Variants in PTGDR observed in about 807,000 individuals in gnomAD.
The protein encoded by PTGDR is prostaglandin D2 receptor.
A neutral mutation model predicts 17.4 loss-of-function variants in PTGDR; 19 were observed. That is an observed-to-expected ratio of 1.09 (90% CI 0.76 to 1.60). The LOEUF is 1.60. PTGDR is among the 40% of genes most tolerant of loss of function. The probability of loss-of-function intolerance (pLI) is 0.00; values close to 1 mark genes in which losing one functional copy is unlikely to be tolerated. For missense variants in PTGDR, 526 were observed against 481.9 expected (o/e 1.09, Z -0.86); for synonymous variants, 267 against 224.2 (o/e 1.19, Z -1.71).
intron 1 of PTGDR, among the ~76,000 whole-genome samples, chr14:52,271,780 G>T (rs2033327168): frequency 6.6e-6 from 1 of 152,212 alleles, no homozygotes; most frequent in Non-Finnish European, 1.5e-5. Flanking sequence ...GTGAGAGAAT[G>T]AAGGGGAAAA....
downstream of PTGDR, among the ~76,000 whole-genome samples, chr14:52,279,204 A>G (rs1230719628): frequency 6.6e-6 from 1 of 152,184 alleles, no homozygotes; most frequent in Admixed American, 6.5e-5. Flanking sequence ...TGCTTGGTTA[A>G]AGATTCCTCT....
Position 52,267,871 on chromosome 14 carries a change from G to C in PTGDR, c.57G>C (p.Ser19=), listed in dbSNP as rs759998843. ...QNTTSVEKGN[S]AVMGGVLFST... is the part of the protein sequence containing the mutation. ...CCACCTCTGTGGAAAAAGGCAACTC[G>C]GCGGTGATGGGCGGGGTGCTCTTCA... The change falls in exon 1 of 2, where the codon TCG becomes TCC. Residue 19 remains serine (S), a synonymous_variant. Coordinates refer to ENST00000306051, the MANE Select transcript of PTGDR (RefSeq NM_000953.3). 4 of 1,601,898 alleles carry C rather than the reference G, an allele frequency of 2.5e-6. No individual in the cohort carries two copies. Among genetic ancestry groups the C allele is most frequent in the African/African-American group, 2.7e-5 (2 of 74,582 alleles).
Position 52,275,227 on chromosome 14 carries a change from A to T in PTGDR, c.*263A>T. On this transcript the variant is annotated 3_prime_UTR_variant, in exon 2 of 2. Coordinates refer to ENST00000306051, the MANE Select transcript of PTGDR (RefSeq NM_000953.3). ...TATTGTAACCAGTGTTAAAAGTCTTAAAAAACAATGGTATTAATTGTCCCT... is the reference window on the plus strand; with the variant it reads ...TATTGTAACCAGTGTTAAAAGTCTTTAAAAACAATGGTATTAATTGTCCCT... 1 of 367,932 alleles carries T rather than the reference A, an allele frequency of 2.7e-6. No homozygotes were observed. The highest frequency in any genetic ancestry group is 4.9e-6 in the Non-Finnish European group (1 of 204,150). 22.8% of individuals were successfully genotyped at this position (367,932 alleles called of 1,614,324 possible).
rs1451955977 is a variant in PTGDR, at chr14:52,274,839, G to A, written c.955G>A (p.Asp319Asn). 6.8e-6 allele frequency: 11 copies of A among 1,611,238 alleles called. No individual in the cohort carries two copies. Among genetic ancestry groups the A allele is most frequent in the Non-Finnish European group, 6.8e-6 (8 of 1,177,448 alleles). The change falls in exon 2 of 2, where the codon GAC becomes AAC. Residue 319 changes from aspartate (D) to asparagine (N), a missense_variant. By Grantham distance (23) the Asp-to-Asn change is conservative (BLOSUM62 1). Coordinates refer to ENST00000306051, the MANE Select transcript of PTGDR (RefSeq NM_000953.3). ...ATTTCTATCTGTGATTTCAATTGTG[G>A]ACCCTTGGATTTTTATCATTTTCAG... ...LRFLSVISIV[D>N]PWIFIIFRSP...
chr14:52,268,546 C>G lies in PTGDR; in HGVS notation c.732C>G (p.Ala244=). Reference sequence around the variant, plus strand: ...CGCGCTCCTGCACCAGGGACTGTGCCGAGCCGCGCGCGGACGGGAGGGAAG... The same window carrying G: ...CGCGCTCCTGCACCAGGGACTGTGCGGAGCCGCGCGCGGACGGGAGGGAAG... The part of the protein sequence containing the change: ...RHPRSCTRDC[A]EPRADGREAS... The change falls in exon 1 of 2, where the codon GCC becomes GCG. Residue 244 remains alanine (A), a synonymous_variant. Transcript: ENST00000306051. 2 of 1,612,594 alleles carry G rather than the reference C, an allele frequency of 1.2e-6. No homozygotes were observed. The highest frequency in any genetic ancestry group is 1.7e-6 in the Non-Finnish European group (2 of 1,179,644).
chr14:52,280,661 T>G (rs2033476200), downstream of PTGDR, among the ~76,000 whole-genome samples: 1 of 152,206 alleles, frequency 6.6e-6, no homozygotes, highest in African/African-American at 2.4e-5. Context: ...CTGAGACAAA[T>G]GCATATCTGA....
chr14:52,269,874 C>T (rs1235190739), intron 1 of PTGDR, among the ~76,000 whole-genome samples: 1 of 152,118 alleles, frequency 6.6e-6, no homozygotes, highest in Non-Finnish European at 1.5e-5. Flanking sequence ...TTCAGAATCA[C>T]CAGCTCAGAA....
rs2033399976 is a variant in PTGDR at position 52,275,130 on chromosome 14, G to A, written c.*166G>A. ...AAAGTATTTGATATCTTAACAATGT[G>A]TTACCATTCTATAGTCATGAACCCC... is the stretch of plus-strand genomic sequence containing the variant. On this transcript the variant is annotated 3_prime_UTR_variant, in exon 2 of 2. Coordinates refer to ENST00000306051, the MANE Select transcript of PTGDR (RefSeq NM_000953.3). 1 of 624,470 alleles carries A rather than the reference G, an allele frequency of 1.6e-6. No homozygotes were observed. The highest frequency in any genetic ancestry group is 1.8e-5 in the African/African-American group (1 of 54,210). 38.7% of individuals were successfully genotyped at this position (624,470 alleles called of 1,614,324 possible).
chr14:52,268,210 C>T lies in PTGDR; in HGVS notation c.396C>T (p.Leu132=), dbSNP rs745321670. 1.9e-5 allele frequency: 30 copies of T among 1,614,096 alleles called. No individual in the cohort carries two copies. Among genetic ancestry groups the T allele is most frequent in the South Asian group, 5.5e-5 (5 of 91,090 alleles). The change falls in exon 1 of 2, where the codon CTC becomes CTT. Residue 132 remains leucine (L), a synonymous_variant. Transcript: ENST00000306051. ...QLLAMALECW[L]SLGHPFFYRR... is the part of the protein sequence containing the mutation. ...TGGCCATGGCACTGGAGTGCTGGCTCTCCCTAGGGCACCCTTTCTTCTACC... is the reference window on the plus strand; with the variant it reads ...TGGCCATGGCACTGGAGTGCTGGCTTTCCCTAGGGCACCCTTTCTTCTACC...
chr14:52,267,807 C>T lies in PTGDR; in HGVS notation c.-8C>T, dbSNP rs1370275953. The T allele has an allele frequency of 5.2e-6, 8 of 1,547,416 alleles. No individual in the cohort carries two copies. The Admixed American group carries it at 9.5e-5, about 18-fold the overall frequency. On this transcript the variant is annotated 5_prime_UTR_variant, in exon 1 of 2. Coordinates refer to ENST00000306051, the MANE Select transcript of PTGDR (RefSeq NM_000953.3). ...AGCCTTCACTCCAGCCCTCTGCTCC[C>T]GCACGCCATGAAGTCGCCGTTCTAC... is the stretch of plus-strand genomic sequence containing the variant.
At chr14:52,269,969 T>C (rs922264401) in intron 1 of PTGDR, among the ~76,000 whole-genome samples, 1 of 152,170 alleles carries the variant, frequency 6.6e-6, no homozygotes, top group African/African-American at 2.4e-5. Flanking sequence ...GAATTTTCAT[T>C]CTTAACAAGT....
At chr14:52,274,266 G>A (rs1438605044) in intron 1 of PTGDR, among the ~76,000 whole-genome samples, 1 of 152,170 alleles carries the variant, frequency 6.6e-6, no homozygotes, top group African/African-American at 2.4e-5. Context: ...ACATTTCACA[G>A]GTGTGACTTA....
downstream of PTGDR, among the ~76,000 whole-genome samples, chr14:52,280,252 T>C (rs1243416012): frequency 6.6e-6 from 1 of 152,112 alleles, no homozygotes; most frequent in African/African-American, 2.4e-5. Flanking sequence ...TGACACACAA[T>C]TCATAATGAA....
chr14:52,275,223 T>G lies in PTGDR; in HGVS notation c.*259T>G. The G allele has an allele frequency of 2.7e-6, 1 of 373,646 alleles. No individual in the cohort carries two copies. Among genetic ancestry groups the G allele is most frequent in the Non-Finnish European group, 4.8e-6 (1 of 207,676 alleles). 23.1% of individuals were successfully genotyped at this position (373,646 alleles called of 1,614,324 possible). ...TATATATTGTAACCAGTGTTAAAAG[T>G]CTTAAAAAACAATGGTATTAATTGT... On this transcript the variant is annotated 3_prime_UTR_variant, in exon 2 of 2. Coordinates refer to ENST00000306051, the MANE Select transcript of PTGDR (RefSeq NM_000953.3).
rs1257521117 is a variant in PTGDR at position 52,274,892 on chromosome 14, C to G, written c.1008C>G (p.His336Gln). ...FRSPVFRIFF[H>Q]KIFIRPLRYR... ...CTCCAGTATTTCGGATATTTTTTCA[C>G]AAGATTTTCATTAGACCTCTTAGGT... Residue 336 changes from histidine to glutamine, a missense_variant, in exon 2 of 2, where the codon CAC becomes CAG. Transcript: ENST00000306051. 1 of 1,608,014 alleles carries G rather than the reference C, an allele frequency of 6.2e-7. No individual in the cohort carries two copies. The highest frequency in any genetic ancestry group is 1.3e-5 in the African/African-American group (1 of 74,726).
At position 52,268,061 on chromosome 14, in the gene PTGDR, G is replaced by A. The variant is rs779214415; in HGVS notation, c.247G>A (p.Val83Met). 3.1e-6 allele frequency: 5 copies of A among 1,612,996 alleles called. No individual in the cohort carries two copies. Among genetic ancestry groups the A allele is most frequent in the African/African-American group, 1.3e-5 (1 of 75,074 alleles). ...GGGCAAGTGCCTCCTAAGCCCGGTG[G>A]TGCTGGCTGCCTACGCTCAGAACCG... The part of the protein sequence containing the change: ...LLGKCLLSPV[V>M]LAAYAQNRSL... Residue 83 changes from valine to methionine, a missense_variant, in exon 1 of 2, where the codon GTG becomes ATG. Transcript: ENST00000306051.
At chr14:52,270,344 G>A (rs1237584212) in intron 1 of PTGDR, among the ~76,000 whole-genome samples, 7 of 152,066 alleles carry the variant, frequency 4.6e-5, no homozygotes, top group Non-Finnish European at 8.8e-5. Context: ...TCAAGAGATC[G>A]AGACCATCCT....
At chr14:52,271,297 C>T (rs1039426499) in intron 1 of PTGDR, among the ~76,000 whole-genome samples, 1 of 152,050 alleles carries the variant, frequency 6.6e-6, no homozygotes, top group African/African-American at 2.4e-5. Flanking sequence ...AAATCAAGAA[C>T]GATTATCGTC....
chr14:52,269,335 A>G, intron 1 of PTGDR: 5 of 829,286 alleles, frequency 6.0e-6, no homozygotes, highest in Non-Finnish European at 9.7e-6. Context: ...TGACAACCTG[A>G]CTTGACGGGT....
Sources: gnomAD v4.1 joint callset for allele counts (sites outside exome capture counted in the v4.1 genomes callset) on GRCh38, gnomAD v4.1.1 for gene constraint, MANE v1.5 for transcripts, NCBI Gene and HGNC (gene_info 2026-07-23, HGNC 2026-07-21) for gene names.